SOX5: variants seen among roughly 807,000 people sequenced by gnomAD.
SOX5 encodes the protein transcription factor SOX-5.
Under a neutral mutation model 92.0 loss-of-function variants are expected in SOX5, and 9 were observed. The observed-to-expected ratio is 0.10, with a 90% confidence interval of 0.06 to 0.17. The LOEUF is 0.17. SOX5 is among the 10% of genes least tolerant of loss of function. The pLI, the probability that SOX5 is intolerant of heterozygous loss-of-function variation, is 1.00. For synonymous variants in SOX5, 344 were observed against 336.3 expected (o/e 1.02, Z -0.25); for missense variants, 642 against 944.5 (o/e 0.68, Z 4.20).
intron 3 of SOX5, among the ~76,000 whole-genome samples, chr12:24,246,150 C>CT (rs1001586184): frequency 2.0e-5 from 3 of 151,558 alleles, no homozygotes; most frequent in Admixed American, 6.6e-5. Context: ...TCTTGTTGAA[C>CT]TTTTTTTTTA....
chr12:23,902,783 TA>T (rs1402612561), intron 1 of SOX5, among the ~76,000 whole-genome samples: 2 of 152,320 alleles, frequency 1.3e-5, no homozygotes, highest in African/African-American at 4.8e-5. Context: ...ATGTGTATGA[TA>T]AAGTCCTTTG....
chr12:23,959,206 C>A (rs1462397943), intron 4 of SOX5, among the ~76,000 whole-genome samples: 1 of 151,280 alleles, frequency 6.6e-6, no homozygotes, highest in African/African-American at 2.4e-5. Context: ...AATAATCAGA[C>A]AAATTTTGCA....
At chr12:23,674,179 C>T (rs1437753916) in intron 6 of SOX5, among the ~76,000 whole-genome samples, 8 of 151,924 alleles carry the variant, frequency 5.3e-5, no homozygotes, top group Admixed American at 4.6e-4. Flanking sequence ...GTTTTGGGAA[C>T]TTACACATGA....
chr12:24,003,823 G>A (rs528100095), intron 4 of SOX5, among the ~76,000 whole-genome samples: 12 of 151,360 alleles, frequency 7.9e-5, no homozygotes, highest in African/African-American at 2.4e-4. Context: ...AATAAGAAAA[G>A]GAGAGAGAAT....
At chr12:24,311,587 CA>C (rs1358640652) in intron 2 of SOX5, among the ~76,000 whole-genome samples, 1 of 152,076 alleles carries the variant, frequency 6.6e-6, no homozygotes, top group Non-Finnish European at 1.5e-5. Flanking sequence ...AAAATAAATA[CA>C]ATTTAGTCAT....
At position 23,534,709 on chromosome 12, in the gene SOX5, T is replaced by C. The variant is rs538870720; in HGVS notation, c.1989-187A>G. Among the ~76,000 whole-genome samples, 36 of 147,234 alleles carry C rather than the reference T, an allele frequency of 2.4e-4. No homozygotes were observed. The East Asian group carries it at 5.1e-3, about 21-fold the overall frequency. On this transcript the variant is annotated intron_variant, in intron 14 of 14. Coordinates refer to ENST00000451604, the MANE Select transcript of SOX5 (RefSeq NM_006940.6). Reference sequence around the variant, plus strand: ...CCTTGTTTTTCTTTTCTTTTCTTTTTTTTTTTTTTTTTTTGAGATGACGTA... The same window carrying C: ...CCTTGTTTTTCTTTTCTTTTCTTTTCTTTTTTTTTTTTTTGAGATGACGTA...
intron 1 of SOX5, among the ~76,000 whole-genome samples, chr12:24,432,035 C>T (rs1205019050): frequency 6.6e-6 from 1 of 152,142 alleles, no homozygotes; most frequent in Non-Finnish European, 1.5e-5. Flanking sequence ...GGTTTCCTCG[C>T]AGCCTCATGA....
chr12:24,291,773 T>C (rs2140513767), intron 2 of SOX5, among the ~76,000 whole-genome samples: 1 of 152,288 alleles, frequency 6.6e-6, no homozygotes, highest in African/African-American at 2.4e-5. Context: ...AGCAAAAAAT[T>C]ACCACAATAT....
chr12:23,642,531 G>T (rs187512533), intron 7 of SOX5, among the ~76,000 whole-genome samples: 10 of 152,290 alleles, frequency 6.6e-5, no homozygotes, highest in African/African-American at 1.9e-4. Flanking sequence ...TTTTCATGAA[G>T]AATCAAATGG....
chr12:23,622,078 G>A (rs983547475), intron 8 of SOX5, among the ~76,000 whole-genome samples: 1 of 152,028 alleles, frequency 6.6e-6, no homozygotes, highest in African/African-American at 2.4e-5. Flanking sequence ...ATGCCTTGGG[G>A]TGAAATTTAC....
intron 4 of SOX5, among the ~76,000 whole-genome samples, chr12:24,028,607 T>G (rs890505398): frequency 6.6e-6 from 1 of 151,958 alleles, no homozygotes; most frequent in African/African-American, 2.4e-5. Context: ...CCTGGATTAG[T>G]ACGGGATGAT....
At chr12:23,880,926 GT>G (rs1224706391) in intron 2 of SOX5, among the ~76,000 whole-genome samples, 7 of 152,086 alleles carry the variant, frequency 4.6e-5, no homozygotes, top group African/African-American at 1.7e-4. Flanking sequence ...GAATAAAATC[GT>G]TTTTTCTACC....
chr12:23,568,724 T>G (rs1947601127), intron 10 of SOX5, among the ~76,000 whole-genome samples: 1 of 151,954 alleles, frequency 6.6e-6, no homozygotes, highest in South Asian at 2.1e-4. Flanking sequence ...ACCCTGACAG[T>G]TTCACTTCTT....
At chr12:23,864,700 T>C (rs1361912113) in intron 2 of SOX5, among the ~76,000 whole-genome samples, 1 of 152,112 alleles carries the variant, frequency 6.6e-6, no homozygotes, top group African/African-American at 2.4e-5. Flanking sequence ...GTGAGGAAGC[T>C]GTAGAAGAAA....
At chr12:24,171,871 T>C (rs1008008962) in intron 4 of SOX5, among the ~76,000 whole-genome samples, 1 of 151,948 alleles carries the variant, frequency 6.6e-6, no homozygotes, top group African/African-American at 2.4e-5. Flanking sequence ...CCTGACGCAC[T>C]CTGATTGAGG....
intron 1 of SOX5, among the ~76,000 whole-genome samples, chr12:23,899,202 G>A (rs1326124048): frequency 6.6e-6 from 1 of 152,038 alleles, no homozygotes; most frequent in Non-Finnish European, 1.5e-5. Context: ...ATGAGTTCCA[G>A]ATCAGCCTGA....
At chr12:24,443,429 T>G (rs554717332) in intron 1 of SOX5, among the ~76,000 whole-genome samples, 87 of 152,304 alleles carry the variant, frequency 5.7e-4, no homozygotes, top group Non-Finnish European at 1.1e-3. Context: ...GCTGATTGAA[T>G]TCATGATACC....
At position 23,782,227 on chromosome 12, in the gene SOX5, C is replaced by A. The variant is rs184240293; in HGVS notation, c.482-26503G>T. On this transcript the variant is annotated intron_variant, in intron 3 of 14. Coordinates refer to ENST00000451604, the MANE Select transcript of SOX5 (RefSeq NM_006940.6). The stretch of plus-strand genomic sequence containing the variant: ...TTCATCAATAGTTTATAATCACATT[C>A]TTCTAGATAAGCTTTTACCTTGTGT... Among the ~76,000 whole-genome samples the A allele has an allele frequency of 3.9e-5, 6 of 152,164 alleles. No homozygotes were observed. In the East Asian group the frequency reaches 9.6e-4, roughly 24 times the overall value.
chr12:23,781,711 A>T (rs1224311909), intron 3 of SOX5, among the ~76,000 whole-genome samples: 1 of 151,888 alleles, frequency 6.6e-6, no homozygotes, highest in Non-Finnish European at 1.5e-5. Context: ...TCTGGGGTTT[A>T]TATGTGTATA....
Sources: gnomAD v4.1 joint callset for allele counts (sites outside exome capture counted in the v4.1 genomes callset) on GRCh38, gnomAD v4.1.1 for gene constraint, MANE v1.5 for transcripts, NCBI Gene and HGNC (gene_info 2026-07-23, HGNC 2026-07-21) for gene names.